DCC: variants seen among roughly 807,000 people sequenced by gnomAD.
The protein encoded by DCC is netrin receptor DCC.
A neutral mutation model predicts 172.5 loss-of-function variants in DCC; 58 were observed. The ratio of observed to expected loss-of-function variants is 0.34; its 90% CI spans 0.27 to 0.42. The LOEUF is 0.42. Ranked by LOEUF, DCC falls within the 10% of genes least tolerant of loss-of-function variation. DCC has a pLI of 1.00. For synonymous variants in DCC, 709 were observed against 644.5 expected, an observed-to-expected ratio of 1.10 and a Z score of -1.52; for missense variants, 1,740 against 1,791.0, an observed-to-expected ratio of 0.97 and a Z score of 0.51.
intron 1 of DCC, among the ~76,000 whole-genome samples, chr18:52,653,250 G>A (rs2035177505): frequency 6.6e-6 from 1 of 152,146 alleles, no homozygotes; most frequent in South Asian, 2.1e-4. Context: ...TTGTAACTCT[G>A]ACTCAAAAAG....
intron 1 of DCC, among the ~76,000 whole-genome samples, chr18:52,384,323 C>A (rs754469315): frequency 6.6e-6 from 1 of 152,124 alleles, no homozygotes; most frequent in Non-Finnish European, 1.5e-5. Context: ...CCTGGCATGC[C>A]TTTGCTAAAG....
At chr18:53,463,327 A>G (rs2045582065) in intron 24 of DCC, among the ~76,000 whole-genome samples, 1 of 152,204 alleles carries the variant, frequency 6.6e-6, no homozygotes, top group South Asian at 2.1e-4. Context: ...CTTTAAAATA[A>G]AAGAGTACTT....
intron 3 of DCC, among the ~76,000 whole-genome samples, chr18:52,914,283 G>A (rs2040010136): frequency 6.6e-6 from 1 of 152,036 alleles, no homozygotes; most frequent in Admixed American, 6.6e-5. Context: ...AAAATTTGCT[G>A]TGAGACACAA....
chr18:52,805,534 A>G (rs1738906259), intron 2 of DCC, among the ~76,000 whole-genome samples: 1 of 152,218 alleles, frequency 6.6e-6, no homozygotes, highest in Non-Finnish European at 1.5e-5. Context: ...GTGAGGATAT[A>G]TGTGCTGGAC....
chr18:53,478,333 A>G (rs1046701176), intron 25 of DCC, among the ~76,000 whole-genome samples: 2 of 152,180 alleles, frequency 1.3e-5, no homozygotes, highest in South Asian at 2.1e-4. Flanking sequence ...TTAGATCTAC[A>G]TTACATTTCT....
chr18:53,166,455 C>T (rs1365313172), intron 8 of DCC, among the ~76,000 whole-genome samples: 1 of 152,032 alleles, frequency 6.6e-6, no homozygotes, highest in Non-Finnish European at 1.5e-5. Flanking sequence ...TAAGATGGCC[C>T]ATCCCAAGAA....
chr18:53,361,613 G>T (rs7235938), intron 15 of DCC, among the ~76,000 whole-genome samples: 3 of 152,126 alleles, frequency 2.0e-5, no homozygotes, highest in Non-Finnish European at 4.4e-5. Flanking sequence ...TCAGTCAATT[G>T]TTGGCCAGTC....
Position 52,564,794 on chromosome 18 carries a change from A to G in DCC, c.92-187260A>G, listed in dbSNP as rs1378388937. Among the ~76,000 whole-genome samples the G allele has an allele frequency of 2.6e-5, 4 of 152,064 alleles. No individual in the cohort carries two copies. In the East Asian group the frequency reaches 5.8e-4, roughly 22 times the overall value. On this transcript the variant is annotated intron_variant, in intron 1 of 28. Transcript: ENST00000442544. ...TTCATGGAACTCATGAAGACTATTC[A>G]GGACCATGGAACCCAGTAGGAGGAG...
chr18:52,659,990 AT>A (rs2035326240), intron 1 of DCC, among the ~76,000 whole-genome samples: 1 of 152,146 alleles, frequency 6.6e-6, no homozygotes, highest in Non-Finnish European at 1.5e-5. Flanking sequence ...GAATCTAACC[AT>A]TTCAGATTTT....
chr18:52,360,394 C>G (rs902997727), intron 1 of DCC, among the ~76,000 whole-genome samples: 2 of 152,214 alleles, frequency 1.3e-5, no homozygotes, highest in African/African-American at 4.8e-5. Context: ...GCCAACTTAA[C>G]TCTGTGATTC....
intron 28 of DCC, among the ~76,000 whole-genome samples, chr18:53,527,115 G>A (rs2046466506): frequency 6.6e-6 from 1 of 151,144 alleles, no homozygotes. Flanking sequence ...GTGTGTGTGT[G>A]TGTGTGTGTG....
At chr18:52,679,233 T>G (rs1162761344) in intron 1 of DCC, among the ~76,000 whole-genome samples, 1 of 152,082 alleles carries the variant, frequency 6.6e-6, no homozygotes, top group African/African-American at 2.4e-5. Flanking sequence ...CCATCATAAT[T>G]TTCCTGTTAT....
In DCC at chr18:52,557,567, A is replaced by G. The variant is rs569600803; in HGVS notation, c.92-194487A>G. 7.2e-4 allele frequency among the ~76,000 whole-genome samples: 109 copies of G among 152,244 alleles called. 1 individual carries two copies. Among genetic ancestry groups the G allele is most frequent in the Non-Finnish European group, 1.2e-3 (81 of 68,042 alleles). ...TATACTACTTTCAAAATTAAAGTAT[A>G]AAGTTTACTTTCTCAACTACATAGA... On this transcript the variant is annotated intron_variant, in intron 1 of 28. Coordinates refer to ENST00000442544, the MANE Select transcript of DCC (RefSeq NM_005215.4).
intron 6 of DCC, among the ~76,000 whole-genome samples, chr18:53,064,630 G>T (rs914162941): frequency 6.6e-6 from 1 of 152,056 alleles, no homozygotes; most frequent in Non-Finnish European, 1.5e-5. Flanking sequence ...AGGTTCTTAA[G>T]GAATACATCC....
intron 12 of DCC, among the ~76,000 whole-genome samples, chr18:53,236,113 A>G (rs2056199329): frequency 6.6e-6 from 1 of 152,012 alleles, no homozygotes; most frequent in Non-Finnish European, 1.5e-5. Flanking sequence ...AAGTAAAACT[A>G]CTGAATCAGA....
At chr18:52,876,783 C>T (rs2039409327) in intron 2 of DCC, among the ~76,000 whole-genome samples, 1 of 152,092 alleles carries the variant, frequency 6.6e-6, no homozygotes, top group East Asian at 1.9e-4. Flanking sequence ...TGCTCAGGAG[C>T]TGCCTTAGAG....
chr18:53,098,413 A>G (rs2043117258), intron 7 of DCC, among the ~76,000 whole-genome samples: 1 of 152,128 alleles, frequency 6.6e-6, no homozygotes, highest in Admixed American at 6.6e-5. Flanking sequence ...GTTTCTTTCA[A>G]TCTGTAACAC....
intron 27 of DCC, among the ~76,000 whole-genome samples, chr18:53,515,893 C>T (rs142928456): frequency 0.025 from 3,745 of 152,106 alleles, 145 homozygotes; most frequent in African/African-American, 0.086. Flanking sequence ...TTTACAGATT[C>T]AATGCCATCC....
At chr18:53,362,641 A>AT (rs995496484) in intron 15 of DCC, among the ~76,000 whole-genome samples, 2 of 151,270 alleles carry the variant, frequency 1.3e-5, no homozygotes, top group Admixed American at 6.6e-5. Context: ...GGCTTAAGGT[A>AT]TTTTTTTTTC....
Sources: gnomAD v4.1 joint callset for allele counts (sites outside exome capture counted in the v4.1 genomes callset) on GRCh38, gnomAD v4.1.1 for gene constraint, MANE v1.5 for transcripts, NCBI Gene and HGNC (gene_info 2026-07-23, HGNC 2026-07-21) for gene names.